Variants in NOL4 observed in about 807,000 individuals in gnomAD.
The protein encoded by NOL4 is cancer/testis antigen 125.
A neutral mutation model predicts 75.9 loss-of-function variants in NOL4; 17 were observed. That is an observed-to-expected ratio of 0.22 (90% confidence interval 0.15 to 0.34). The LOEUF (loss-of-function observed/expected upper bound fraction) is 0.34. Among genes scored for constraint, NOL4 ranks in the 10% least tolerant of loss-of-function variants. The probability of loss-of-function intolerance (pLI) is 1.00; values close to 1 mark genes in which losing one functional copy is unlikely to be tolerated. For missense variants in NOL4, 614 were observed against 793.5 expected, an observed-to-expected ratio of 0.77 and a Z score of 2.72; for synonymous variants, 292 against 289.9, an observed-to-expected ratio of 1.01 and a Z score of -0.07.
intron 5 of NOL4, chr18:34,023,543 C>G: frequency 2.2e-6 from 1 of 454,706 alleles, no homozygotes; most frequent in Non-Finnish European, 4.4e-6. Context: ...GGTGGTTCTT[C>G]TCTCAAGGTT....
rs2037468114 is a variant in NOL4 at position 34,223,707 on chromosome 18, C to T, written c.-454G>A. Reference sequence around the variant, plus strand: ...GCAGGTGGAGCGCAGCGCCGCCTCCCCGCGCGCGCCCCAGAAGCTTCCCCA... The same window carrying T: ...GCAGGTGGAGCGCAGCGCCGCCTCCTCGCGCGCGCCCCAGAAGCTTCCCCA... On this transcript the variant is annotated 5_prime_UTR_variant, in exon 1 of 11. Coordinates refer to ENST00000261592, the MANE Select transcript of NOL4 (RefSeq NM_003787.5). Among the ~76,000 whole-genome samples, 1 of 152,156 alleles carries T rather than the reference C, an allele frequency of 6.6e-6. No individual in the cohort carries two copies. The highest frequency in any genetic ancestry group is 6.5e-5 in the Admixed American group (1 of 15,286).
chr18:34,196,476 ATAAAG>A (rs1377741099), intron 1 of NOL4, among the ~76,000 whole-genome samples: 1 of 152,146 alleles, frequency 6.6e-6, no homozygotes, highest in Non-Finnish European at 1.5e-5. Flanking sequence ...TCAGTAAATA[ATAAAG>A]TAAATGGCCT....
intron 5 of NOL4, among the ~76,000 whole-genome samples, chr18:34,067,032 CT>C (rs2077308761): frequency 6.6e-6 from 1 of 151,918 alleles, no homozygotes; most frequent in Non-Finnish European, 1.5e-5. Flanking sequence ...TTTCATCCTA[CT>C]TATATTCCAA....
At chr18:33,887,491 TACATGGGCCATGTTGG>T (rs1460180247) in intron 9 of NOL4, among the ~76,000 whole-genome samples, 2 of 151,762 alleles carry the variant, frequency 1.3e-5, no homozygotes, top group Non-Finnish European at 2.9e-5. Context: ...TCCATAGGAA[TACATGGGCCATGTTGG>T]TTTGCTGCAC....
At chr18:33,919,175 T>C (rs1360879415) in intron 9 of NOL4, among the ~76,000 whole-genome samples, 2 of 152,208 alleles carry the variant, frequency 1.3e-5, no homozygotes, top group African/African-American at 4.8e-5. Context: ...CATCTTTGGG[T>C]TGGACCCTGT....
intron 1 of NOL4, among the ~76,000 whole-genome samples, chr18:34,219,209 A>T (rs1600914652): frequency 6.6e-6 from 1 of 152,232 alleles, no homozygotes; most frequent in East Asian, 1.9e-4. Context: ...ATAAGAAAGA[A>T]ATATATATAA....
chr18:33,914,724 A>AATG (rs1392893281), intron 9 of NOL4, among the ~76,000 whole-genome samples: 2 of 152,114 alleles, frequency 1.3e-5, no homozygotes, highest in Non-Finnish European at 2.9e-5. Context: ...GGGGGAACTC[A>AATG]ATGGTAACCC....
intron 4 of NOL4, among the ~76,000 whole-genome samples, chr18:34,096,910 G>C (rs2078813261): frequency 6.6e-6 from 1 of 151,936 alleles, no homozygotes; most frequent in Non-Finnish European, 1.5e-5. Context: ...CCCCTAATCT[G>C]CTCCATATTT....
chr18:33,950,531 T>C (rs1367648579), intron 8 of NOL4, among the ~76,000 whole-genome samples: 2 of 152,120 alleles, frequency 1.3e-5, no homozygotes, highest in African/African-American at 4.8e-5. Flanking sequence ...GCAACTTTCA[T>C]GAGCAGCTAC....
intron 8 of NOL4, among the ~76,000 whole-genome samples, chr18:33,955,148 G>C (rs900159337): frequency 2.6e-5 from 4 of 152,016 alleles, no homozygotes; most frequent in African/African-American, 4.8e-5. Flanking sequence ...TAGCTACATA[G>C]GTATTATAAA....
At chr18:34,180,881 C>T (rs1031506116) in intron 1 of NOL4, among the ~76,000 whole-genome samples, 1 of 151,320 alleles carries the variant, frequency 6.6e-6, no homozygotes, top group South Asian at 2.1e-4. Context: ...AAATAAATGA[C>T]TTGTACACTG....
chr18:34,122,988 T>C (rs981043758), intron 2 of NOL4, among the ~76,000 whole-genome samples: 2 of 152,110 alleles, frequency 1.3e-5, no homozygotes, highest in African/African-American at 2.4e-5. Context: ...AAACAACTAA[T>C]GAAGTTTCTC....
chr18:34,050,723 C>G (rs1306516370), intron 5 of NOL4, among the ~76,000 whole-genome samples: 1 of 151,956 alleles, frequency 6.6e-6, no homozygotes, highest in Non-Finnish European at 1.5e-5. Context: ...TTCAGCAGAT[C>G]TGGTAAATTA....
intron 10 of NOL4, among the ~76,000 whole-genome samples, chr18:33,868,371 CAT>C (rs1308012422): frequency 6.6e-6 from 1 of 151,924 alleles, no homozygotes; most frequent in Non-Finnish European, 1.5e-5. Flanking sequence ...ACCTCACAGA[CAT>C]ATATAGAAAA....
chr18:34,149,626 T>C (rs900143397), intron 1 of NOL4, among the ~76,000 whole-genome samples: 6 of 151,672 alleles, frequency 4.0e-5, no homozygotes, highest in Non-Finnish European at 7.4e-5. Context: ...CCCTATGTTT[T>C]TATTGATGAA....
intron 6 of NOL4, among the ~76,000 whole-genome samples, chr18:33,962,795 T>C (rs921796885): frequency 2.0e-5 from 3 of 152,144 alleles, no homozygotes; most frequent in Non-Finnish European, 4.4e-5. Flanking sequence ...TGTTACAATA[T>C]GGTTATTTGA....
chr18:33,946,629 T>G (rs2145612513), intron 8 of NOL4, among the ~76,000 whole-genome samples: 1 of 151,920 alleles, frequency 6.6e-6, no homozygotes, highest in Middle Eastern at 3.4e-3. Context: ...GTGAGGAAAT[T>G]CAATCACAGC....
At chr18:33,909,764 C>T (rs531143689) in intron 9 of NOL4, among the ~76,000 whole-genome samples, 4 of 152,118 alleles carry the variant, frequency 2.6e-5, no homozygotes, top group African/African-American at 9.6e-5. Context: ...AAAAAATAAA[C>T]ATGATCCCTG....
intron 1 of NOL4, among the ~76,000 whole-genome samples, chr18:34,211,729 TA>T (rs1177063658): frequency 1.3e-5 from 2 of 152,196 alleles, no homozygotes; most frequent in African/African-American, 4.8e-5. Context: ...AATATTTGAT[TA>T]AAATTAGAAA....
Sources: gnomAD v4.1 joint callset for allele counts (sites outside exome capture counted in the v4.1 genomes callset) on GRCh38, gnomAD v4.1.1 for gene constraint, MANE v1.5 for transcripts, NCBI Gene and HGNC (gene_info 2026-07-23, HGNC 2026-07-21) for gene names.